The following KCNK10 variants were observed in gnomAD, a reference collection of about 807,000 sequenced individuals.
KCNK10 encodes potassium two pore domain channel subfamily K member 10, also known as potassium channel subfamily K member 10.
Under a neutral mutation model 47.7 loss-of-function variants are expected in KCNK10, and 25 were observed. The observed-to-expected ratio is 0.52, with a 90% CI of 0.38 to 0.73. The LOEUF (loss-of-function observed/expected upper bound fraction) is 0.73, where lower values mean the gene tolerates loss of function less well. Among genes scored for constraint, KCNK10 ranks in the 30% least tolerant of loss-of-function variants. The pLI is 0.00. For synonymous variants in KCNK10, 303 were observed against 285.6 expected (o/e 1.06, Z -0.61); for missense variants, 563 against 714.5 (o/e 0.79, Z 2.42).
At chr14:88,313,620 G>T (rs11625847) in intron 1 of KCNK10, among the ~76,000 whole-genome samples, 39,813 of 151,920 alleles carry the variant, frequency 0.26, 5,619 homozygotes, top group African/African-American at 0.36. Flanking sequence ...GAGCACACCA[G>T]CTTGGAAACA....
chr14:88,315,376 T>G (rs1024373570), intron 1 of KCNK10, among the ~76,000 whole-genome samples: 1 of 152,224 alleles, frequency 6.6e-6, no homozygotes, highest in Admixed American at 6.5e-5. Flanking sequence ...TTTATTCATC[T>G]CTAAGCTTTT....
At chr14:88,213,921 T>TTTATTATTATTATTATTATTATTA (rs35954048) in intron 4 of KCNK10, among the ~76,000 whole-genome samples, 3 of 126,410 alleles carry the variant, frequency 2.4e-5, no homozygotes, top group African/African-American at 8.0e-5. Context: ...TTTATTTTAC[T>TTTATTATTATTATTATTATTATTA]TTATTATTAT....
At chr14:88,325,740 T>C (rs1014876461), upstream of KCNK10, among the ~76,000 whole-genome samples, 10 of 152,216 alleles carry the variant, frequency 6.6e-5, no homozygotes, top group Non-Finnish European at 1.3e-4. Context: ...GGGGTCTGCA[T>C]TGGGGAATTA....
intron 2 of KCNK10, among the ~76,000 whole-genome samples, chr14:88,249,879 G>A (rs989441108): frequency 3.3e-5 from 5 of 152,026 alleles, no homozygotes; most frequent in African/African-American, 1.2e-4. Context: ...TTTTTTAATC[G>A]CTAGAGCCAA....
intron 3 of KCNK10, among the ~76,000 whole-genome samples, chr14:88,228,234 T>C (rs978309201): frequency 6.6e-6 from 1 of 152,168 alleles, no homozygotes; most frequent in Non-Finnish European, 1.5e-5. Context: ...ATGCTAAAAG[T>C]TTATTGATGG....
At chr14:88,263,939 G>A (rs988829046) in intron 1 of KCNK10, among the ~76,000 whole-genome samples, 1 of 152,142 alleles carries the variant, frequency 6.6e-6, no homozygotes, top group South Asian at 2.1e-4. Flanking sequence ...TGTTGAACTT[G>A]GAGAGGAAGT....
intron 1 of KCNK10, among the ~76,000 whole-genome samples, chr14:88,298,741 G>T (rs906396038): frequency 3.9e-5 from 6 of 152,062 alleles, no homozygotes; most frequent in Non-Finnish European, 7.4e-5. Flanking sequence ...AATTATGTAC[G>T]CCCAGCTAGT....
intron 1 of KCNK10, among the ~76,000 whole-genome samples, chr14:88,304,208 G>T (rs997458492): frequency 6.6e-6 from 1 of 152,040 alleles, no homozygotes; most frequent in Admixed American, 6.5e-5. Context: ...CTAGCTATTT[G>T]GGAGGCTGGG....
chr14:88,197,571 C>CAAAAAA (rs1566681344), intron 4 of KCNK10, among the ~76,000 whole-genome samples: 2 of 16,780 alleles, frequency 1.2e-4, no homozygotes, highest in Non-Finnish European at 2.5e-4. Flanking sequence ...GAGACTCCGA[C>CAAAAAA]TAAAAAAAAA....
chr14:88,204,805 G>T (rs908607454), intron 4 of KCNK10, among the ~76,000 whole-genome samples: 1 of 151,856 alleles, frequency 6.6e-6, no homozygotes, highest in Admixed American at 6.6e-5. Flanking sequence ...TATAGCCCCC[G>T]CCCCAAACAT....
rs761281029 is a variant in KCNK10, at chr14:88,185,936, C to T, written c.1231G>A (p.Gly411Ser). The change falls in exon 7 of 7, where the codon GGC becomes AGC. Residue 411 changes from glycine (G) to serine (S), a missense_variant. Physicochemically the swap from Gly to Ser is moderately conservative, Grantham distance 56. Coordinates refer to ENST00000319231, the MANE Select transcript of KCNK10 (RefSeq NM_138317.3). The surrounding 1 kb of genome is among the most constrained non-coding windows in gnomAD (Gnocchi z 4.3). ...TCCTGGGATGAGGCCTTGAAGCGGC[C>T]GGTGTCCAGGGCAGCAAAGACAGAG... ...KRSVFAALDT[G>S]RFKASSQESI... The T allele has an allele frequency of 1.2e-5, 20 of 1,613,602 alleles. No homozygotes were observed. The East Asian group carries it at 2.9e-4, about 23-fold the overall frequency.
intron 2 of KCNK10, among the ~76,000 whole-genome samples, chr14:88,262,860 C>T (rs1021860170): frequency 6.6e-6 from 1 of 152,174 alleles, no homozygotes; most frequent in African/African-American, 2.4e-5. Context: ...TTCTTTCCTT[C>T]TTCGGGTTCT....
intron 1 of KCNK10, among the ~76,000 whole-genome samples, chr14:88,274,343 A>G (rs958495119): frequency 5.3e-5 from 8 of 151,856 alleles, no homozygotes; most frequent in Admixed American, 3.3e-4. Context: ...TTTTTGGCCT[A>G]TTAGAAAGAT....
chr14:88,245,655 T>G (rs1466141539), intron 2 of KCNK10, among the ~76,000 whole-genome samples: 1 of 133,064 alleles, frequency 7.5e-6, no homozygotes, highest in Non-Finnish European at 1.5e-5. Context: ...ATCATCTGTT[T>G]CTCTGTTTCC....
intron 4 of KCNK10, among the ~76,000 whole-genome samples, chr14:88,197,390 G>A (rs1361798956): frequency 1.3e-5 from 2 of 151,630 alleles, no homozygotes; most frequent in African/African-American, 4.8e-5. Context: ...TGGCCAACAT[G>A]GGGAAACCCC....
At chr14:88,293,337 C>T (rs1238822219) in intron 1 of KCNK10, among the ~76,000 whole-genome samples, 1 of 152,198 alleles carries the variant, frequency 6.6e-6, no homozygotes, top group Non-Finnish European at 1.5e-5. Context: ...CAGATATTAA[C>T]AGGCTTCTCA....
At chr14:88,245,345 G>A (rs1324742006) in intron 2 of KCNK10, among the ~76,000 whole-genome samples, 1 of 152,082 alleles carries the variant, frequency 6.6e-6, no homozygotes, top group Non-Finnish European at 1.5e-5. Context: ...CCCACACCAT[G>A]CATTAGGACT....
At chr14:88,199,969 TTCTC>T (rs1885047129) in intron 4 of KCNK10, among the ~76,000 whole-genome samples, 1 of 151,994 alleles carries the variant, frequency 6.6e-6, no homozygotes, top group Non-Finnish European at 1.5e-5. Context: ...CTTTCTTTCT[TTCTC>T]TTTCTTTCTT....
chr14:88,319,971 G>C (rs1888510296), intron 1 of KCNK10, among the ~76,000 whole-genome samples: 1 of 152,158 alleles, frequency 6.6e-6, no homozygotes, highest in African/African-American at 2.4e-5. Context: ...AGAGCACCTA[G>C]CACATAATTC....
Sources: gnomAD v4.1 joint callset for allele counts (sites outside exome capture counted in the v4.1 genomes callset) on GRCh38, gnomAD v4.1.1 for gene constraint, Gnocchi (gnomAD v3.1) non-coding constraint, MANE v1.5 for transcripts, NCBI Gene and HGNC (gene_info 2026-07-23, HGNC 2026-07-21) for gene names.